The following DLG2 variants were observed in gnomAD, a reference collection of about 807,000 sequenced individuals.
DLG2 encodes disks large homolog 2.
In DLG2, 45 loss-of-function variants were observed where a neutral mutation model predicts 132.5. The observed-to-expected ratio is 0.34, with a 90% confidence interval of 0.27 to 0.44. The LOEUF (loss-of-function observed/expected upper bound fraction) is 0.44, where lower values mean the gene tolerates loss of function less well. DLG2 is among the 20% of genes least tolerant of loss of function. The probability of loss-of-function intolerance (pLI) is 1.00; values close to 1 mark genes in which losing one functional copy is unlikely to be tolerated. For synonymous variants in DLG2, 424 were observed against 419.6 expected, an observed-to-expected ratio of 1.01 and a Z score of -0.13; for missense variants, 1,045 against 1,196.9, an observed-to-expected ratio of 0.87 and a Z score of 1.87.
chr11:84,308,184 G>C (rs542703019), intron 7 of DLG2, among the ~76,000 whole-genome samples: 91 of 152,264 alleles, frequency 6.0e-4, no homozygotes, highest in Admixed American at 2.0e-3. Flanking sequence ...CGAGTGGTCT[G>C]TTTTGACAGG....
intron 3 of DLG2, among the ~76,000 whole-genome samples, chr11:85,385,371 TTTTTGTTTG>T (rs1348749713): frequency 6.6e-6 from 1 of 152,164 alleles, no homozygotes; most frequent in Non-Finnish European, 1.5e-5. Context: ...AGCTATAGGT[TTTTTGTTTG>T]TTTTGTTTTT....
intron 16 of DLG2, among the ~76,000 whole-genome samples, chr11:83,842,043 A>G (rs1207603472): frequency 6.6e-6 from 1 of 152,188 alleles, no homozygotes; most frequent in African/African-American, 2.4e-5. Flanking sequence ...GAAATGTGCT[A>G]TATTCATTTA....
chr11:83,825,230 G>T (rs1191756045), intron 17 of DLG2, among the ~76,000 whole-genome samples: 2 of 134,524 alleles, frequency 1.5e-5, no homozygotes, highest in South Asian at 2.3e-4. Context: ...TGCCCAGGCT[G>T]GAATGCAATG....
intron 6 of DLG2, among the ~76,000 whole-genome samples, chr11:84,741,651 G>A (rs938159758): frequency 1.3e-5 from 2 of 150,826 alleles, no homozygotes; most frequent in African/African-American, 2.4e-5. Flanking sequence ...CCAACACCTC[G>A]TCTAAATGAA....
chr11:84,897,723 C>A (rs547880816), intron 6 of DLG2, among the ~76,000 whole-genome samples: 1 of 151,854 alleles, frequency 6.6e-6, no homozygotes, highest in Non-Finnish European at 1.5e-5. Context: ...AGGAAAATAT[C>A]TGTATCTCAA....
intron 6 of DLG2, among the ~76,000 whole-genome samples, chr11:85,063,170 G>A (rs1157804055): frequency 6.6e-6 from 1 of 151,792 alleles, no homozygotes. Flanking sequence ...ACCATCTCTT[G>A]GAAGTTGCCT....
intron 3 of DLG2, among the ~76,000 whole-genome samples, chr11:85,479,039 G>A (rs1416682847): frequency 6.6e-6 from 1 of 152,126 alleles, no homozygotes; most frequent in Non-Finnish European, 1.5e-5. Flanking sequence ...GACTACATGA[G>A]ATTTTTAATT....
intron 6 of DLG2, among the ~76,000 whole-genome samples, chr11:84,999,723 A>T (rs931227416): frequency 6.6e-6 from 1 of 152,124 alleles, no homozygotes; most frequent in Non-Finnish European, 1.5e-5. Flanking sequence ...CGCATCATCA[A>T]ATTGATTACT....
At chr11:84,849,611 A>T (rs2154020876) in intron 6 of DLG2, among the ~76,000 whole-genome samples, 1 of 152,118 alleles carries the variant, frequency 6.6e-6, no homozygotes, top group Non-Finnish European at 1.5e-5. Flanking sequence ...ATCTCTTAGC[A>T]CAACTGGTTC....
chr11:84,154,927 A>C (rs1254999439), intron 9 of DLG2, among the ~76,000 whole-genome samples: 1 of 152,176 alleles, frequency 6.6e-6, no homozygotes, highest in African/African-American at 2.4e-5. Flanking sequence ...ATCTAATTAA[A>C]CTAAAGAGCT....
At chr11:85,503,560 G>T (rs1384250122) in intron 3 of DLG2, among the ~76,000 whole-genome samples, 1 of 152,038 alleles carries the variant, frequency 6.6e-6, no homozygotes, top group Non-Finnish European at 1.5e-5. Flanking sequence ...GATAATGAAG[G>T]TTCTGCCTTC....
intron 3 of DLG2, among the ~76,000 whole-genome samples, chr11:85,345,584 A>G (rs950859421): frequency 3.3e-5 from 5 of 152,084 alleles, no homozygotes; most frequent in Admixed American, 3.3e-4. Context: ...GTCTGTCTGG[A>G]AAGTCCATTA....
intron 18 of DLG2, among the ~76,000 whole-genome samples, chr11:83,663,800 C>T (rs1407888084): frequency 2.0e-5 from 3 of 152,160 alleles, no homozygotes; most frequent in Admixed American, 2.0e-4. Context: ...TGTTGATTTT[C>T]CTTGGAAGCC....
chr11:84,054,002 C>T (rs2096454019), intron 11 of DLG2, among the ~76,000 whole-genome samples: 1 of 151,908 alleles, frequency 6.6e-6, no homozygotes, highest in Admixed American at 6.6e-5. Context: ...TTGTCACTAC[C>T]TAGATTTAAT....
chr11:83,558,333 C>G (rs2096554202), intron 19 of DLG2, among the ~76,000 whole-genome samples: 1 of 151,996 alleles, frequency 6.6e-6, no homozygotes, highest in African/African-American at 2.4e-5. Context: ...ATTTAAAAAA[C>G]TTTTATCTTA....
chr11:85,613,347 C>A (rs1218163675), intron 2 of DLG2, among the ~76,000 whole-genome samples: 2 of 152,176 alleles, frequency 1.3e-5, no homozygotes, highest in African/African-American at 4.8e-5. Flanking sequence ...AAAGAGTTAA[C>A]CTCTGGAGGA....
intron 8 of DLG2, among the ~76,000 whole-genome samples, chr11:84,180,294 C>T (rs2096081425): frequency 6.6e-6 from 1 of 151,666 alleles, no homozygotes; most frequent in South Asian, 2.1e-4. Context: ...TTTGAGGATA[C>T]AATAATAGAA....
intron 19 of DLG2, among the ~76,000 whole-genome samples, chr11:83,571,972 ACT>A (rs970711173): frequency 3.5e-4 from 54 of 152,114 alleles, no homozygotes; most frequent in African/African-American, 1.1e-3. Flanking sequence ...AGAAGACAGA[ACT>A]CTCTGTATGG....
chr11:84,332,799 C>T (rs899805745), intron 7 of DLG2, among the ~76,000 whole-genome samples: 3 of 152,158 alleles, frequency 2.0e-5, no homozygotes, highest in Non-Finnish European at 2.9e-5. Context: ...AAATTAAAGT[C>T]AACACAACCT....
Sources: gnomAD v4.1 joint callset for allele counts (sites outside exome capture counted in the v4.1 genomes callset) on GRCh38, gnomAD v4.1.1 for gene constraint, MANE v1.5 for transcripts, NCBI Gene and HGNC (gene_info 2026-07-23, HGNC 2026-07-21) for gene names.